The following VPS13B variants were observed in gnomAD, a reference collection of about 807,000 sequenced individuals.
The protein encoded by VPS13B is intermembrane lipid transfer protein VPS13B.
In VPS13B, 285 loss-of-function variants were observed where a neutral mutation model predicts 426.4. The ratio of observed to expected loss-of-function variants is 0.67; its 90% CI spans 0.61 to 0.74. The LOEUF (loss-of-function observed/expected upper bound fraction) is 0.74. Ranked by LOEUF, VPS13B falls within the 30% of genes least tolerant of loss-of-function variation. VPS13B has a pLI of 0.00. For synonymous variants in VPS13B, 1,676 were observed against 1,676.4 expected (o/e 1.00, Z 0.01); for missense variants, 4,537 against 4,782.6 (o/e 0.95, Z 1.51).
intron 3 of VPS13B, among the ~76,000 whole-genome samples, chr8:99,090,176 C>T (rs954322408): frequency 1.3e-5 from 2 of 151,980 alleles, no homozygotes; most frequent in South Asian, 2.1e-4. Context: ...GCCTACTCTC[C>T]ACTTTTCTTA....
intron 25 of VPS13B, among the ~76,000 whole-genome samples, chr8:99,485,777 T>G (rs147887452): frequency 2.6e-5 from 4 of 152,324 alleles, no homozygotes; most frequent in Non-Finnish European, 4.4e-5. Flanking sequence ...TTTCCAGGAA[T>G]GCTATGTTCA....
intron 19 of VPS13B, among the ~76,000 whole-genome samples, chr8:99,375,444 C>T (rs1036642649): frequency 6.6e-5 from 10 of 152,116 alleles, no homozygotes; most frequent in South Asian, 2.1e-4. Flanking sequence ...CTACATCCTA[C>T]GAGAAGAGGA....
At chr8:99,305,265 A>T (rs915315395) in intron 19 of VPS13B, among the ~76,000 whole-genome samples, 1 of 152,134 alleles carries the variant, frequency 6.6e-6, no homozygotes. Flanking sequence ...CCAATGGTGG[A>T]TCAAAAATGT....
At chr8:99,734,800 A>T (rs1833754370) in intron 39 of VPS13B, among the ~76,000 whole-genome samples, 1 of 152,212 alleles carries the variant, frequency 6.6e-6, no homozygotes, top group South Asian at 2.1e-4. Context: ...TGAATGTAAG[A>T]TGGAGACATC....
At chr8:99,109,151 G>A (rs1847213546) in intron 5 of VPS13B, among the ~76,000 whole-genome samples, 1 of 151,994 alleles carries the variant, frequency 6.6e-6, no homozygotes, top group Non-Finnish European at 1.5e-5. Context: ...GGTGTATATA[G>A]TTGTAGAGCC....
chr8:99,356,691 A>G (rs1289350125), intron 19 of VPS13B, among the ~76,000 whole-genome samples: 1 of 152,174 alleles, frequency 6.6e-6, no homozygotes, highest in Non-Finnish European at 1.5e-5. Flanking sequence ...TTTTTGATAA[A>G]GTAATTTTAA....
chr8:99,167,697 T>G (rs1418758886), intron 15 of VPS13B, among the ~76,000 whole-genome samples: 1 of 152,108 alleles, frequency 6.6e-6, no homozygotes, highest in East Asian at 1.9e-4. Context: ...GATGATGTAT[T>G]CATTTTTGTT....
intron 33 of VPS13B, chr8:99,577,926 G>T (rs183019123): frequency 4.3e-4 from 171 of 399,998 alleles, no homozygotes; most frequent in Admixed American, 4.3e-4. Context: ...AGTATGATGC[G>T]AGAATCCTGG....
At chr8:99,210,743 C>G (rs1815040964) in intron 17 of VPS13B, among the ~76,000 whole-genome samples, 1 of 152,002 alleles carries the variant, frequency 6.6e-6, no homozygotes, top group South Asian at 2.1e-4. Context: ...GTAGCTGGGA[C>G]CACAAGTGCC....
chr8:99,062,949 T>A (rs994278178), intron 3 of VPS13B, among the ~76,000 whole-genome samples: 3 of 152,260 alleles, frequency 2.0e-5, no homozygotes, highest in Non-Finnish European at 4.4e-5. Context: ...TTAATTATTT[T>A]AAAAATGAAT....
chr8:99,870,748 A>T, intron 59 of VPS13B, 37 bp from the exon 60 acceptor site: 1 of 1,598,154 alleles, frequency 6.3e-7, no homozygotes, highest in Admixed American at 1.7e-5. Flanking sequence ...TTTTCCAGAA[A>T]ACAAGTAGTA....
chr8:99,602,935 G>A (rs867749072), intron 33 of VPS13B, among the ~76,000 whole-genome samples: 7 of 152,126 alleles, frequency 4.6e-5, no homozygotes, highest in Non-Finnish European at 8.8e-5. Context: ...CATCAATATC[G>A]TGAAAATGGC....
At chr8:99,780,014 G>A (rs1811933923) in intron 42 of VPS13B, among the ~76,000 whole-genome samples, 1 of 152,118 alleles carries the variant, frequency 6.6e-6, no homozygotes, top group Non-Finnish European at 1.5e-5. Context: ...TTATATGCAT[G>A]AAGACCTATA....
chr8:99,059,730 C>CTTTTTTTT (rs34620587), intron 3 of VPS13B, among the ~76,000 whole-genome samples: 2 of 110,172 alleles, frequency 1.8e-5, no homozygotes, highest in Admixed American at 1.0e-4. Context: ...TTAGCTTCTG[C>CTTTTTTTT]TTTTTTTTTT....
intron 29 of VPS13B, among the ~76,000 whole-genome samples, chr8:99,515,796 C>G (rs534572733): frequency 3.0e-4 from 46 of 152,168 alleles, no homozygotes; most frequent in African/African-American, 1.1e-3. Flanking sequence ...TAAATGGCTG[C>G]TATTTCTTAC....
intron 3 of VPS13B, among the ~76,000 whole-genome samples, chr8:99,068,797 C>G (rs1844692766): frequency 6.6e-6 from 1 of 152,136 alleles, no homozygotes; most frequent in African/African-American, 2.4e-5. Context: ...GGGAAACCAT[C>G]CCTGTGATCC....
intron 25 of VPS13B, among the ~76,000 whole-genome samples, chr8:99,492,457 A>G (rs1311392801): frequency 6.6e-6 from 1 of 152,228 alleles, no homozygotes; most frequent in Non-Finnish European, 1.5e-5. Flanking sequence ...TTTGTTCAGT[A>G]TGCCCTGCCC....
At chr8:99,689,690 G>A (rs949139589) in intron 35 of VPS13B, among the ~76,000 whole-genome samples, 3 of 152,162 alleles carry the variant, frequency 2.0e-5, no homozygotes, top group Non-Finnish European at 4.4e-5. Context: ...AGCAGCCAGA[G>A]TTATAAATAG....
At chr8:99,263,838 C>T (rs556166387) in intron 17 of VPS13B, among the ~76,000 whole-genome samples, 1 of 152,046 alleles carries the variant, frequency 6.6e-6, no homozygotes, top group Non-Finnish European at 1.5e-5. Context: ...TGGGGGGGAC[C>T]ATTATTCTGT....
Sources: allele counts gnomAD v4.1 joint callset (sites outside exome capture counted in the v4.1 genomes callset), GRCh38; gene constraint gnomAD v4.1.1; transcripts MANE v1.5; gene names NCBI Gene and HGNC (gene_info 2026-07-23, HGNC 2026-07-21).